The following ECPAS variants were observed in gnomAD, a reference collection of about 807,000 sequenced individuals.
ECPAS encodes Ecm29 proteasome adaptor and scaffold, also known as proteasome adapter and scaffold protein ECM29.
ECPAS carries 70 observed loss-of-function variants against 255.1 expected under a neutral mutation model. The observed-to-expected ratio is 0.27, with a 90% CI of 0.23 to 0.33. The LOEUF (loss-of-function observed/expected upper bound fraction) is 0.33, where lower values mean the gene tolerates loss of function less well. ECPAS is among the 10% of genes least tolerant of loss of function. ECPAS has a pLI of 1.00. For missense variants in ECPAS, 1,817 were observed against 2,206.4 expected (o/e 0.82, Z 3.54); for synonymous variants, 784 against 775.0 (o/e 1.01, Z -0.19).
intron 16 of ECPAS, among the ~76,000 whole-genome samples, chr9:111,418,987 C>G (rs890556016): frequency 1.3e-5 from 2 of 152,132 alleles, no homozygotes; most frequent in Non-Finnish European, 2.9e-5. Context: ...AAAACCAGCA[C>G]CTGGTAATAA....
chr9:111,372,432 G>T lies in ECPAS; in HGVS notation c.4525C>A (p.Pro1509Thr). ...TAACTCAGGCCACACTACTAACCAG[G>T]TACGTTTTCCTGCCACACTTCGGTC... ...LWTEVWQENVPGSFGGIRLYL... is the reference protein window; with the variant it reads ...LWTEVWQENVTGSFGGIRLYL... The change falls in exon 42 of 50, where the codon CCT (proline) becomes ACT (threonine). Residue 1509 changes from proline to threonine, a missense_variant. Pro to Thr is a conservative substitution (Grantham distance 38). Around this residue, in one of 4 missense-constraint regions of ECPAS, gnomAD observed 960 missense variants for 1,179.0 expected, o/e 0.81. Coordinates refer to ENST00000684092, the MANE Select transcript of ECPAS (RefSeq NM_001364929.1). 6.2e-7 allele frequency: 1 copy of T among 1,613,338 alleles called. No individual in the cohort carries two copies. Among genetic ancestry groups the T allele is most frequent in the East Asian group, 2.2e-5 (1 of 44,876 alleles).
chr9:111,448,890 T>C (rs1359794873), intron 3 of ECPAS, among the ~76,000 whole-genome samples: 1 of 152,164 alleles, frequency 6.6e-6, no homozygotes, highest in Non-Finnish European at 1.5e-5. Flanking sequence ...AAAATAGTCA[T>C]CAAAGAGAAA....
At chr9:111,413,111 A>AT in intron 20 of ECPAS, among the ~76,000 whole-genome samples, 1 of 152,224 alleles carries the variant, frequency 6.6e-6, no homozygotes, top group Non-Finnish European at 1.5e-5. Flanking sequence ...CCACACACGG[A>AT]GGGTGTGGCA....
intron 35 of ECPAS, 111 bp from the exon 36 acceptor site, chr9:111,378,841 A>G: frequency 9.5e-7 from 1 of 1,057,958 alleles, no homozygotes. Context: ...ATATTTTCAC[A>G]TGGTTGCAGA....
intron 1 of ECPAS, among the ~76,000 whole-genome samples, chr9:111,478,230 C>T (rs1365178988): frequency 6.6e-6 from 1 of 150,986 alleles, no homozygotes; most frequent in Non-Finnish European, 1.5e-5. Context: ...AATGGTATTA[C>T]TCAAAAAAAA....
At chr9:111,366,669 T>TA in intron 46 of ECPAS, 42 bp from the exon 47 acceptor site, 1 of 1,302,076 alleles carries the variant, frequency 7.7e-7, no homozygotes, top group Non-Finnish European at 1.1e-6. Flanking sequence ...GGAGACAGTA[T>TA]AAAAGAACAA....
chr9:111,411,240 C>G, intron 21 of ECPAS, 98 bp from the exon 22 acceptor site: 1 of 1,228,652 alleles, frequency 8.1e-7, no homozygotes, highest in Non-Finnish European at 1.2e-6. Flanking sequence ...ATCTCTCCAA[C>G]AAAACATAAG....
chr9:111,368,650 G>T (rs1476038969), intron 46 of ECPAS, among the ~76,000 whole-genome samples: 1 of 152,124 alleles, frequency 6.6e-6, no homozygotes, highest in African/African-American at 2.4e-5. Flanking sequence ...AGGTGATTAG[G>T]GCACAGAGAC....
intron 36 of ECPAS, among the ~76,000 whole-genome samples, chr9:111,378,208 T>G (rs1481137307): frequency 6.6e-6 from 1 of 152,060 alleles, no homozygotes; most frequent in African/African-American, 2.4e-5. Context: ...GTGACTCCAT[T>G]ACACCTAAAA....
intron 2 of ECPAS, among the ~76,000 whole-genome samples, chr9:111,471,340 A>G (rs941701783): frequency 6.6e-6 from 1 of 152,244 alleles, no homozygotes; most frequent in Admixed American, 6.5e-5. Flanking sequence ...AGGAATAAAG[A>G]TTTGTGAAAA....
At chr9:111,466,616 TACACAC>T (rs55763374) in intron 2 of ECPAS, among the ~76,000 whole-genome samples, 2,489 of 143,460 alleles carry the variant, frequency 0.017, 62 homozygotes, top group African/African-American at 0.054. Flanking sequence ...AATAACTAAA[TACACAC>T]ACACACACAC....
At chr9:111,411,665 G>C (rs1205085075) in intron 21 of ECPAS, 5 of 195,996 alleles carry the variant, frequency 2.6e-5, no homozygotes, top group South Asian at 3.3e-4. Flanking sequence ...CTCGCTTTCA[G>C]TACTCATCAG....
intron 5 of ECPAS, among the ~76,000 whole-genome samples, chr9:111,441,541 T>C (rs2098246017): frequency 6.6e-6 from 1 of 152,150 alleles, no homozygotes; most frequent in Admixed American, 6.5e-5. Context: ...AAAGTTATTC[T>C]AAAAATTAAA....
chr9:111,418,201 C>T (rs190430837), intron 16 of ECPAS, among the ~76,000 whole-genome samples, 195 bp from the exon 17 acceptor site: 10 of 152,130 alleles, frequency 6.6e-5, no homozygotes, highest in Admixed American at 5.9e-4. Context: ...GCATGAGGTC[C>T]GGGGACTCAT....
At chr9:111,393,625 G>T (rs900915539) in intron 27 of ECPAS, 55 bp downstream of exon 27, 4 of 1,171,760 alleles carry the variant, frequency 3.4e-6, no homozygotes, top group South Asian at 2.6e-5. Flanking sequence ...CCAGGTTTTT[G>T]AACATTTAAA....
At chr9:111,474,906 C>T (rs952599025) in intron 1 of ECPAS, among the ~76,000 whole-genome samples, 14 of 152,196 alleles carry the variant, frequency 9.2e-5, no homozygotes, top group African/African-American at 3.1e-4. Flanking sequence ...TCAAACCACA[C>T]AGCTGATCCC....
chr9:111,369,499 A>T (rs2098124780), intron 45 of ECPAS, among the ~76,000 whole-genome samples: 1 of 152,122 alleles, frequency 6.6e-6, no homozygotes, highest in Non-Finnish European at 1.5e-5. Flanking sequence ...CTAAATCCAA[A>T]CTCTTTCTTG....
At position 111,372,534 on chromosome 9, in the gene ECPAS, C is replaced by G; in HGVS notation, c.4423G>C (p.Val1475Leu). Residue 1475 changes from valine (V) to leucine (L), a missense_variant, in exon 42 of 50, where the codon GTC (valine) becomes CTC (leucine). Around this residue, in one of 4 missense-constraint regions of ECPAS, gnomAD observed 960 missense variants for 1,179.0 expected, o/e 0.81. Transcript: ENST00000684092. ...PDVLKNHAKE[V>L]LPLAFLGMHE... ...ATGCCTAAAAATGCCAGAGGCAGGA[C>G]TTCTTTTGCATGATTCTTTAATACA... The G allele has an allele frequency of 6.2e-7, 1 of 1,613,860 alleles. No individual in the cohort carries two copies. The highest frequency in any genetic ancestry group is 1.1e-5 in the South Asian group (1 of 91,086).
intron 13 of ECPAS, 30 bp from the exon 14 acceptor site, chr9:111,422,230 A>G (rs1264787132): frequency 6.3e-7 from 1 of 1,592,846 alleles, no homozygotes; most frequent in Admixed American, 1.7e-5. Flanking sequence ...TATTGTTACT[A>G]TCATAAATTT....
Sources: gnomAD v4.1 joint callset for allele counts (sites outside exome capture counted in the v4.1 genomes callset) on GRCh38, gnomAD v4.1.1 for gene constraint, gnomAD v4.1.1 regional missense constraint, MANE v1.5 for transcripts, NCBI Gene and HGNC (gene_info 2026-07-23, HGNC 2026-07-21) for gene names.